Variants in OPCML observed in about 807,000 individuals in gnomAD.
OPCML encodes the protein opioid binding protein/cell adhesion molecule like.
OPCML carries 13 observed loss-of-function variants against 37.8 expected under a neutral mutation model. The ratio of observed to expected loss-of-function variants is 0.34; its 90% CI spans 0.22 to 0.55. The LOEUF is 0.55. OPCML is among the 20% of genes least tolerant of loss of function. OPCML has a pLI of 0.91. For missense variants in OPCML, 341 were observed against 435.6 expected (o/e 0.78, Z 1.93); for synonymous variants, 176 against 168.8 (o/e 1.04, Z -0.33).
intron 2 of OPCML, among the ~76,000 whole-genome samples, chr11:132,785,493 A>T (rs1947178875): frequency 6.6e-6 from 1 of 152,258 alleles, no homozygotes; most frequent in Non-Finnish European, 1.5e-5. Context: ...TCCATAAAAT[A>T]GCCACAAATA....
intron 1 of OPCML, among the ~76,000 whole-genome samples, chr11:133,256,216 G>C (rs771229843): frequency 6.6e-6 from 1 of 152,170 alleles, no homozygotes; most frequent in Non-Finnish European, 1.5e-5. Flanking sequence ...AGTGAAGAAG[G>C]GCAAGGATTG....
intron 1 of OPCML, among the ~76,000 whole-genome samples, chr11:133,501,773 G>A (rs780433850): frequency 9.2e-5 from 14 of 152,020 alleles, no homozygotes; most frequent in South Asian, 4.2e-4. Context: ...CATCTTCGAC[G>A]TGAGTCACAT....
chr11:133,082,701 G>A (rs976893596), intron 1 of OPCML, among the ~76,000 whole-genome samples: 8 of 131,072 alleles, frequency 6.1e-5, no homozygotes, highest in Non-Finnish European at 1.3e-4. Flanking sequence ...AGCCGGGCGA[G>A]GGGCTCAAGG....
intron 2 of OPCML, among the ~76,000 whole-genome samples, chr11:132,713,643 C>T (rs969643290): frequency 2.3e-4 from 35 of 152,320 alleles, no homozygotes; most frequent in African/African-American, 7.9e-4. Context: ...AAAATGGATT[C>T]GGCCAGAAAT....
chr11:133,320,201 G>A (rs950403380), intron 1 of OPCML, among the ~76,000 whole-genome samples: 4 of 152,124 alleles, frequency 2.6e-5, no homozygotes, highest in Non-Finnish European at 5.9e-5. Context: ...TTTCTAATCT[G>A]ATCAATATTT....
intron 1 of OPCML, among the ~76,000 whole-genome samples, chr11:133,410,634 TA>T (rs71038527): frequency 6.8e-3 from 318 of 46,968 alleles, no homozygotes; most frequent in Non-Finnish European, 0.01. Context: ...AGAAAAAAAG[TA>T]AAAAAAAAAA....
At position 132,419,287 on chromosome 11, in the gene OPCML, G is replaced by T. The variant is rs1192269101; in HGVS notation, c.*906C>A. The T allele has an allele frequency of 6.6e-6, 1 of 152,200 alleles. No individual in the cohort carries two copies. Among genetic ancestry groups the T allele is most frequent in the African/African-American group, 2.4e-5 (1 of 41,452 alleles). 9.4% of individuals were successfully genotyped at this position (152,200 alleles called of 1,614,324 possible). ...AATTACATTGATAGATTGATAAACA[G>T]TAAATAGATTGCTAGAGAGGAAGAC... On this transcript the variant is annotated 3_prime_UTR_variant, in exon 8 of 8. Coordinates refer to ENST00000524381, the MANE Select transcript of OPCML (RefSeq NM_001012393.5).
At chr11:133,446,715 C>T (rs1025240932) in intron 1 of OPCML, among the ~76,000 whole-genome samples, 11 of 152,222 alleles carry the variant, frequency 7.2e-5, no homozygotes, top group African/African-American at 2.2e-4. Context: ...TTTCATCCTG[C>T]AGTCCCAGGC....
intron 1 of OPCML, among the ~76,000 whole-genome samples, chr11:133,466,257 A>G (rs1946975595): frequency 6.6e-6 from 1 of 152,244 alleles, no homozygotes; most frequent in Non-Finnish European, 1.5e-5. Context: ...GAAGTCTGCT[A>G]GAAGATAAGA....
chr11:132,495,696 C>T (rs1190985747), intron 4 of OPCML, among the ~76,000 whole-genome samples: 1 of 152,046 alleles, frequency 6.6e-6, no homozygotes, highest in African/African-American at 2.4e-5. Context: ...TTGAGACCAT[C>T]CTGGCTAACA....
intron 3 of OPCML, among the ~76,000 whole-genome samples, chr11:132,632,010 G>A (rs1198947129): frequency 6.6e-6 from 1 of 151,914 alleles, no homozygotes; most frequent in African/African-American, 2.4e-5. Flanking sequence ...GCTGGGTAAC[G>A]AAACACGTAG....
chr11:132,760,650 C>G (rs1242285940), intron 2 of OPCML, among the ~76,000 whole-genome samples: 1 of 96,468 alleles, frequency 1.0e-5, no homozygotes, highest in African/African-American at 4.0e-5. Flanking sequence ...TTTTCATTTT[C>G]TTGGCGATAT....
chr11:133,079,898 T>A (rs1565436127), intron 1 of OPCML, among the ~76,000 whole-genome samples: 3 of 152,334 alleles, frequency 2.0e-5, no homozygotes, highest in Admixed American at 2.0e-4. Flanking sequence ...TCCAAGGGGA[T>A]GGAAGATAGG....
At chr11:133,454,343 T>C (rs1036076521) in intron 1 of OPCML, among the ~76,000 whole-genome samples, 2 of 152,244 alleles carry the variant, frequency 1.3e-5, no homozygotes, top group Admixed American at 6.5e-5. Flanking sequence ...CTGTCACTAT[T>C]CTTTGCTGCT....
At chr11:132,745,731 C>T (rs1192432183) in intron 2 of OPCML, among the ~76,000 whole-genome samples, 6 of 152,192 alleles carry the variant, frequency 3.9e-5, no homozygotes, top group East Asian at 1.9e-4. Context: ...AATGTGTGAG[C>T]GCAGTGTAAT....
At chr11:132,614,287 G>T (rs181534916) in intron 3 of OPCML, among the ~76,000 whole-genome samples, 143 of 152,206 alleles carry the variant, frequency 9.4e-4, no homozygotes, top group Admixed American at 2.9e-3. Flanking sequence ...ATTTTCCTGA[G>T]CCTGAATTTC....
chr11:133,367,135 C>T (rs1387037622), intron 1 of OPCML, among the ~76,000 whole-genome samples: 1 of 152,160 alleles, frequency 6.6e-6, no homozygotes, highest in Non-Finnish European at 1.5e-5. Context: ...TGTACCACGA[C>T]ACCCAGCTAA....
intron 1 of OPCML, among the ~76,000 whole-genome samples, chr11:133,170,109 A>T (rs1393159763): frequency 6.6e-6 from 1 of 152,208 alleles, no homozygotes; most frequent in African/African-American, 2.4e-5. Context: ...ACAACCAAGC[A>T]ATAACAAATA....
chr11:132,788,656 C>G (rs1055050228), intron 2 of OPCML, among the ~76,000 whole-genome samples: 2 of 152,204 alleles, frequency 1.3e-5, no homozygotes, highest in African/African-American at 4.8e-5. Context: ...AGGCACTTAA[C>G]TAAGGACTAC....
Sources: gnomAD v4.1 joint callset for allele counts (sites outside exome capture counted in the v4.1 genomes callset) on GRCh38, gnomAD v4.1.1 for gene constraint, MANE v1.5 for transcripts, NCBI Gene and HGNC (gene_info 2026-07-23, HGNC 2026-07-21) for gene names.